Variants in OSMR observed in about 807,000 individuals in gnomAD.
OSMR encodes oncostatin-M-specific receptor subunit beta.
OSMR carries 81 observed loss-of-function variants against 99.9 expected under a neutral mutation model. The ratio of observed to expected loss-of-function variants is 0.81; its 90% CI spans 0.68 to 0.97. OSMR has a LOEUF of 0.97. OSMR is among the 50% of genes least tolerant of loss of function. The pLI is 0.00. For synonymous variants in OSMR, 406 were observed against 410.4 expected, an observed-to-expected ratio of 0.99 and a Z score of 0.13; for missense variants, 1,099 against 1,153.4, an observed-to-expected ratio of 0.95 and a Z score of 0.68.
rs1436215463 is a variant in OSMR, at chr5:38,846,027, C to T, written c.-374C>T. On this transcript the variant is annotated 5_prime_UTR_variant, in exon 1 of 18. Transcript: ENST00000274276. ...CTTGCCCCGCAGCTGATTCATAGCCCCGGCCCGGGCCGCCTCTGCACGTCC... is the reference window on the plus strand; with the variant it reads ...CTTGCCCCGCAGCTGATTCATAGCCTCGGCCCGGGCCGCCTCTGCACGTCC... 3 of 152,554 alleles carry T rather than the reference C, an allele frequency of 2.0e-5. No individual in the cohort carries two copies. The highest frequency in any genetic ancestry group is 7.2e-5 in the African/African-American group (3 of 41,452). The allele number at this position is 152,554 out of a possible 1,614,324, so 9.5% of individuals were successfully genotyped here.
intron 1 of OSMR, among the ~76,000 whole-genome samples, chr5:38,862,977 C>T (rs890629497): frequency 1.3e-5 from 2 of 152,014 alleles, no homozygotes; most frequent in Admixed American, 6.6e-5. Flanking sequence ...GCCCGGCCAA[C>T]ACAGCGAAAC....
At chr5:38,941,691 A>C (rs1278462961) in intron 1 of OSMR, 4 of 232,276 alleles carry the variant, frequency 1.7e-5, no homozygotes, top group Non-Finnish European at 3.4e-5. Flanking sequence ...CTAGTAACAT[A>C]AAAATAACTT....
rs1437019806 is a variant in OSMR, at chr5:38,917,626, A to G, written c.1362+4A>G. The G allele has an allele frequency of 1.0e-5, 16 of 1,607,056 alleles. No individual in the cohort carries two copies. Among genetic ancestry groups the G allele is most frequent in the Admixed American group, 3.3e-5 (2 of 59,976 alleles). On this transcript the variant is annotated splice_donor_region_variant and intron_variant, in intron 10 of 17. Transcript: ENST00000274276. Reference sequence around the variant, plus strand: ...TACTGTGACCTTATTCTGGAAGGTAAGATGTGCAGATTCCAAAAGTCTGAT... The same window carrying G: ...TACTGTGACCTTATTCTGGAAGGTAGGATGTGCAGATTCCAAAAGTCTGAT...
intron 7 of OSMR, among the ~76,000 whole-genome samples, chr5:38,901,981 G>C (rs1446378905): frequency 1.3e-5 from 2 of 152,152 alleles, no homozygotes; most frequent in South Asian, 4.1e-4. Flanking sequence ...CTGTATCGGG[G>C]ATACTTCTTT....
intron 9 of OSMR, among the ~76,000 whole-genome samples, chr5:38,917,090 G>A (rs906546554): frequency 6.6e-6 from 1 of 152,078 alleles, no homozygotes; most frequent in Non-Finnish European, 1.5e-5. Flanking sequence ...TCCAGTGAGC[G>A]GGCCAGCCGT....
intron 11 of OSMR, among the ~76,000 whole-genome samples, chr5:38,919,858 TG>T (rs753918770): frequency 9.2e-5 from 14 of 152,206 alleles, no homozygotes; most frequent in African/African-American, 2.4e-5. Flanking sequence ...AGGATGTTGT[TG>T]TTTTGTTTTA....
chr5:38,917,522 G>T, intron 9 of OSMR, 24 bp from the exon 10 acceptor site: 1 of 1,611,344 alleles, frequency 6.2e-7, no homozygotes, highest in South Asian at 1.1e-5. Flanking sequence ...TGTGACTCAA[G>T]AACTTTTCTT....
Position 38,856,529 on chromosome 5 carries a change from C to G in OSMR, c.-14+10142C>G, listed in dbSNP as rs138550047. 6.7e-3 allele frequency among the ~76,000 whole-genome samples: 996 copies of G among 148,070 alleles called. 10 individuals are homozygous for G. The highest frequency in any genetic ancestry group is 6.2e-3 in the Non-Finnish European group (415 of 66,710). ...CTTGCCCCTGCCCAACATGTGTGAA[C>G]TGATGACAGAAGAAAACAGGGAATC... On this transcript the variant is annotated intron_variant, in intron 1 of 17. Transcript: ENST00000274276.
At chr5:38,943,040 A>G in intron 1 of OSMR, 1 of 1,168,010 alleles carries the variant, frequency 8.6e-7, no homozygotes, top group South Asian at 1.3e-5. Context: ...CCAAGGTATC[A>G]CTTACTTTAA....
intron 7 of OSMR, among the ~76,000 whole-genome samples, chr5:38,896,915 G>A (rs948110911): frequency 1.3e-5 from 2 of 151,852 alleles, no homozygotes; most frequent in Admixed American, 6.6e-5. Context: ...GATCATATGG[G>A]TTTTGTCCTT....
chr5:38,847,950 T>A (rs1740010883), intron 1 of OSMR, among the ~76,000 whole-genome samples: 1 of 152,196 alleles, frequency 6.6e-6, no homozygotes, highest in South Asian at 2.1e-4. Flanking sequence ...CTCTACCCTT[T>A]TCTTTAACCT....
intron 2 of OSMR, chr5:38,944,592 T>A: frequency 6.4e-7 from 1 of 1,556,968 alleles, no homozygotes; most frequent in Non-Finnish European, 8.7e-7. Context: ...CAGGGAGAAG[T>A]TAAATATTAT....
chr5:38,862,899 C>T (rs1264455680), intron 1 of OSMR, among the ~76,000 whole-genome samples: 7 of 152,066 alleles, frequency 4.6e-5, no homozygotes, highest in Non-Finnish European at 8.8e-5. Flanking sequence ...AACCAGACTC[C>T]GTCTGCAATC....
chr5:38,848,915 A>AT (rs1740120166), intron 1 of OSMR, among the ~76,000 whole-genome samples: 1 of 150,792 alleles, frequency 6.6e-6, no homozygotes, highest in African/African-American at 2.4e-5. Flanking sequence ...CTGGAACTAC[A>AT]GGCACATGAC....
At chr5:38,863,468 C>T (rs1741677489) in intron 1 of OSMR, among the ~76,000 whole-genome samples, 1 of 151,730 alleles carries the variant, frequency 6.6e-6, no homozygotes, top group South Asian at 2.1e-4. Context: ...ACCAGGGAGG[C>T]AGAGGTTGCA....
At chr5:38,924,283 G>T in intron 13 of OSMR, 139 bp from the exon 14 acceptor site, 2 of 1,518,998 alleles carry the variant, frequency 1.3e-6, no homozygotes, top group Admixed American at 4.1e-5. Flanking sequence ...ATCCTCTAGA[G>T]AAACAGATAA....
At chr5:38,856,201 T>C (rs55950636) in intron 1 of OSMR, among the ~76,000 whole-genome samples, 2,177 of 152,304 alleles carry the variant, frequency 0.014, 30 homozygotes, top group Middle Eastern at 0.024. Context: ...CTTGGAATCA[T>C]TGGTGTCTGT....
At chr5:38,924,712 C>A in intron 14 of OSMR, 117 bp downstream of exon 14, 4 of 921,068 alleles carry the variant, frequency 4.3e-6, no homozygotes, top group Non-Finnish European at 5.3e-6. Flanking sequence ...TCTTGCATGG[C>A]TTTATACTGG....
At chr5:38,893,639 A>T (rs564315620) in intron 7 of OSMR, among the ~76,000 whole-genome samples, 2 of 152,006 alleles carry the variant, frequency 1.3e-5, no homozygotes, top group East Asian at 1.9e-4. Flanking sequence ...AGATAATTTT[A>T]AAAAATGAAC....
Sources: gnomAD v4.1 joint callset for allele counts (sites outside exome capture counted in the v4.1 genomes callset) on GRCh38, gnomAD v4.1.1 for gene constraint, MANE v1.5 for transcripts, NCBI Gene and HGNC (gene_info 2026-07-23, HGNC 2026-07-21) for gene names.